The following KLC1 variants were observed in gnomAD, a reference collection of about 807,000 sequenced individuals.
KLC1 encodes the protein kinesin light chain 1, also known as kinesin 2 60/70kDa.
In KLC1, 30 loss-of-function variants were observed where a neutral mutation model predicts 84.2. The ratio of observed to expected loss-of-function variants is 0.36; its 90% CI spans 0.27 to 0.48. The LOEUF (loss-of-function observed/expected upper bound fraction) is 0.48. Among genes scored for constraint, KLC1 ranks in the 20% least tolerant of loss-of-function variants. The pLI, the probability that KLC1 is intolerant of heterozygous loss-of-function variation, is 0.99. For synonymous variants in KLC1, 289 were observed against 293.3 expected, an observed-to-expected ratio of 0.99 and a Z score of 0.15; for missense variants, 499 against 805.4, an observed-to-expected ratio of 0.62 and a Z score of 4.60.
chr14:103,678,829 C>G (rs76510644), intron 12 of KLC1, among the ~76,000 whole-genome samples: 2,757 of 152,246 alleles, frequency 0.018, 73 homozygotes, highest in African/African-American at 0.058. Context: ...GACCTGAATA[C>G]ACATTTTACT....
intron 3 of KLC1, among the ~76,000 whole-genome samples, chr14:103,658,100 C>A (rs745368834): frequency 2.0e-5 from 3 of 152,196 alleles, no homozygotes; most frequent in Non-Finnish European, 4.4e-5. Context: ...GGCAACCTCT[C>A]TGCCCCTTAG....
chr14:103,640,876 C>T (rs965976719), intron 1 of KLC1, among the ~76,000 whole-genome samples: 1 of 152,046 alleles, frequency 6.6e-6, no homozygotes. Flanking sequence ...TACTGTGATA[C>T]ATTTGTGACA....
At chr14:103,638,154 T>G (rs766645583) in intron 1 of KLC1, among the ~76,000 whole-genome samples, 23 of 152,124 alleles carry the variant, frequency 1.5e-4, no homozygotes, top group Admixed American at 7.9e-4. Context: ...GGGTTTCCTG[T>G]TGCCCATCTC....
At position 103,629,391 on chromosome 14, in the gene KLC1, C is replaced by T. The variant is rs1167901699; in HGVS notation, c.-105C>T. ...CTGGTGACTGCTGCGCCGTGCCTCA[C>T]ACAGCCGAGGCGGGCTCGGCGCACA... On this transcript the variant is annotated 5_prime_UTR_variant, in exon 1 of 17. Transcript: ENST00000334553. 6.6e-5 allele frequency: 10 copies of T among 152,266 alleles called. No individual in the cohort carries two copies. Among genetic ancestry groups the T allele is most frequent in the African/African-American group, 2.2e-4 (9 of 41,550 alleles). The allele number at this position is 152,266 out of a possible 1,614,324, so 9.4% of individuals were successfully genotyped here.
In KLC1 at chr14:103,662,763, G is replaced by A. The variant is rs770136244; in HGVS notation, c.633G>A (p.Ala211=). Residue 211 remains alanine (A), a synonymous_variant, in exon 5 of 17, where the codon GCG becomes GCA. Transcript: ENST00000334553. ...AGCAGGGCGGCTACGAGATCCCCGC[G>A]CGGCTGCGGACGCTCCACAACCTGG... The part of the protein sequence containing the change: ...AAQQGGYEIP[A]RLRTLHNLVI... The A allele has an allele frequency of 6.2e-7, 1 of 1,611,588 alleles. No homozygotes were observed. Among genetic ancestry groups the A allele is most frequent in the Non-Finnish European group, 8.5e-7 (1 of 1,179,274 alleles).
intron 11 of KLC1, 135 bp downstream of exon 11, chr14:103,675,891 A>G: frequency 1.4e-6 from 1 of 692,554 alleles, no homozygotes; most frequent in Non-Finnish European, 2.5e-6. Flanking sequence ...CCGAATTCCA[A>G]TTAAAAAAAC....
intron 13 of KLC1, chr14:103,683,582 CT>C (rs2081543125): frequency 6.6e-6 from 1 of 152,218 alleles, no homozygotes; most frequent in Non-Finnish European, 1.5e-5. Flanking sequence ...CTTGGGCTGT[CT>C]CATCATTTAG....
chr14:103,659,366 G>A (rs2079102004), intron 3 of KLC1, among the ~76,000 whole-genome samples: 1 of 151,732 alleles, frequency 6.6e-6, no homozygotes, highest in Non-Finnish European at 1.5e-5. Flanking sequence ...GTTTCCAATG[G>A]AATAATTTTA....
chr14:103,661,891 A>G (rs1213040742), intron 3 of KLC1, among the ~76,000 whole-genome samples: 1 of 152,176 alleles, frequency 6.6e-6, no homozygotes, highest in Non-Finnish European at 1.5e-5. Flanking sequence ...CATTTCGTCA[A>G]ACTGTGGTCT....
intron 15 of KLC1, 86 bp from the exon 16 acceptor site, chr14:103,700,569 C>T: frequency 9.2e-7 from 1 of 1,091,474 alleles, no homozygotes; most frequent in Non-Finnish European, 1.4e-6. Context: ...TCTGCAGCCA[C>T]ACGCTGGTGT....
At chr14:103,658,461 G>C (rs2079001224) in intron 3 of KLC1, among the ~76,000 whole-genome samples, 1 of 113,476 alleles carries the variant, frequency 8.8e-6, no homozygotes. Flanking sequence ...TTTTAGTAGA[G>C]ATGAGGTTTC....
chr14:103,640,575 T>C (rs1049735534), intron 1 of KLC1, among the ~76,000 whole-genome samples: 1 of 151,674 alleles, frequency 6.6e-6, no homozygotes, highest in Non-Finnish European at 1.5e-5. Flanking sequence ...TTAACCAGGA[T>C]GGTCTCGATC....
At position 103,701,208 on chromosome 14, in the gene KLC1, G is replaced by A. The variant is rs709399; in HGVS notation, c.*9G>A. ...TTCTATCTTCTCTTGCAGTGACCCCGACCTGGCCCCGCTCCAGGATGGGAC... is the reference window on the plus strand; with the variant it reads ...TTCTATCTTCTCTTGCAGTGACCCCAACCTGGCCCCGCTCCAGGATGGGAC... On this transcript the variant is annotated 3_prime_UTR_variant, in exon 17 of 17. Transcript: ENST00000334553. 0.65 allele frequency: 1,009,007 copies of A among 1,545,508 alleles called. 335,608 individuals are homozygous for A. Among genetic ancestry groups the A allele is most frequent in the Non-Finnish European group, 0.69 (790,987 of 1,143,312 alleles).
intron 9 of KLC1, 27 bp downstream of exon 9, chr14:103,673,458 G>T: frequency 1.5e-6 from 2 of 1,365,998 alleles, no homozygotes; most frequent in South Asian, 2.5e-5. Context: ...CGTTTCAAGT[G>T]AATTTAATTG....
chr14:103,638,763 ATAG>A (rs1424687744), intron 1 of KLC1, among the ~76,000 whole-genome samples: 7 of 148,448 alleles, frequency 4.7e-5, no homozygotes, highest in African/African-American at 1.5e-4. Context: ...GTGTGTGAAC[ATAG>A]TGGTGTGTAT....
chr14:103,656,188 C>T (rs1292234615), intron 2 of KLC1, among the ~76,000 whole-genome samples: 5 of 152,132 alleles, frequency 3.3e-5, no homozygotes, highest in East Asian at 1.9e-4. Context: ...GCTTACATTG[C>T]ATTGGCCAGA....
chr14:103,696,202 TTGG>T, intron 15 of KLC1: 1 of 981,866 alleles, frequency 1.0e-6, no homozygotes, highest in Non-Finnish European at 1.2e-6. Context: ...CTCTGGGTAG[TTGG>T]TGCAGCTGTG....
chr14:103,639,574 C>G (rs556436766), intron 1 of KLC1, among the ~76,000 whole-genome samples: 1 of 152,210 alleles, frequency 6.6e-6, no homozygotes, highest in South Asian at 2.1e-4. Flanking sequence ...TCCTGAGTAG[C>G]TGGGACCACA....
chr14:103,700,663 T>C lies in KLC1; in HGVS notation c.1857T>C (p.Ser619=). The C allele has an allele frequency of 6.2e-7, 1 of 1,607,402 alleles. No individual in the cohort carries two copies. Among genetic ancestry groups the C allele is most frequent in the South Asian group, 1.1e-5 (1 of 90,414 alleles). The change falls in exon 16 of 17, where the codon TCT becomes TCC. Residue 619 remains serine (S), a synonymous_variant. Coordinates refer to ENST00000334553, the MANE Select transcript of KLC1 (RefSeq NM_001394837.1). ...KAAEDRFQGV[S]GRASFCGKRQ... is the part of the protein sequence containing the mutation. ...CTGTGCTTCATCTCCAGGGCGTCTC[T>C]GGCCGAGCCTCTTTTTGTGGAAAAC...
Sources: gnomAD v4.1 joint callset for allele counts (sites outside exome capture counted in the v4.1 genomes callset) on GRCh38, gnomAD v4.1.1 for gene constraint, MANE v1.5 for transcripts, NCBI Gene and HGNC (gene_info 2026-07-23, HGNC 2026-07-21) for gene names.